Variants in FSHR observed in about 807,000 individuals in gnomAD.
FSHR encodes the protein follicle-stimulating hormone receptor.
FSHR carries 46 observed loss-of-function variants against 52.1 expected under a neutral mutation model. The ratio of observed to expected loss-of-function variants is 0.88; its 90% CI spans 0.70 to 1.13. The LOEUF is 1.13. Ranked by LOEUF, FSHR falls within the 50% of genes most tolerant of loss-of-function variation. The probability of loss-of-function intolerance (pLI) is 0.00; values close to 1 mark genes in which losing one functional copy is unlikely to be tolerated. For synonymous variants in FSHR, 399 were observed against 309.6 expected, an observed-to-expected ratio of 1.29 and a Z score of -3.03; for missense variants, 964 against 834.6, an observed-to-expected ratio of 1.16 and a Z score of -1.91.
chr2:49,079,822 AAC>A (rs1259735646), intron 1 of FSHR, among the ~76,000 whole-genome samples: 1 of 152,154 alleles, frequency 6.6e-6, no homozygotes, highest in East Asian at 1.9e-4. Context: ...TTTTTAAAAA[AAC>A]ACACAAAAAT....
rs200482566 is a variant in FSHR at position 48,963,137 on chromosome 2, C to T, written c.1684G>A (p.Val562Met). ...IYLTVRNPNI[V>M]SSSSDTRIAK... ...ATCCTGGTGTCACTAGAGGAGGACA[C>T]GATGTTGGGGTTCCGCACTGTGAGG... is the stretch of plus-strand genomic sequence containing the variant. Residue 562 changes from valine (V) to methionine (M), a missense_variant, in exon 10 of 10, where the codon GTG (valine) becomes ATG (methionine). Physicochemically the swap from Val to Met is conservative, Grantham distance 21. Coordinates refer to ENST00000406846, the MANE Select transcript of FSHR (RefSeq NM_000145.4). 161 of 1,613,874 alleles carry T rather than the reference C, an allele frequency of 1.0e-4. No homozygotes were observed. Among genetic ancestry groups the T allele is most frequent in the Non-Finnish European group, 1.2e-4 (138 of 1,180,008 alleles).
intron 4 of FSHR, among the ~76,000 whole-genome samples, chr2:48,991,678 G>C (rs1415546038): frequency 6.6e-6 from 1 of 152,166 alleles, no homozygotes; most frequent in Non-Finnish European, 1.5e-5. Context: ...TGAAATGTGG[G>C]TGGAACTGGC....
chr2:48,987,156 C>T (rs1289032860), intron 6 of FSHR, among the ~76,000 whole-genome samples: 1 of 151,850 alleles, frequency 6.6e-6, no homozygotes, highest in Non-Finnish European at 1.5e-5. Context: ...CTCATGTATT[C>T]ACTATTTTCC....
At chr2:49,039,178 G>C (rs1216297743) in intron 2 of FSHR, among the ~76,000 whole-genome samples, 1 of 152,156 alleles carries the variant, frequency 6.6e-6, no homozygotes, top group African/African-American at 2.4e-5. Flanking sequence ...GCACTCAGTA[G>C]ATTCTTTTTC....
intron 1 of FSHR, among the ~76,000 whole-genome samples, chr2:49,101,299 G>A (rs923615864): frequency 3.3e-5 from 5 of 152,208 alleles, no homozygotes; most frequent in African/African-American, 1.2e-4. Context: ...ATGTTTATAG[G>A]CTGGGAAAGA....
intron 1 of FSHR, among the ~76,000 whole-genome samples, chr2:49,119,121 C>T (rs1408161017): frequency 3.3e-5 from 5 of 152,244 alleles, no homozygotes; most frequent in East Asian, 1.9e-4. Context: ...GGACACATGA[C>T]GTGGACCCCG....
intron 8 of FSHR, among the ~76,000 whole-genome samples, chr2:48,979,377 G>A (rs752796694): frequency 1.9e-4 from 29 of 152,002 alleles, no homozygotes; most frequent in Non-Finnish European, 2.8e-4. Flanking sequence ...GGAGTTTAAC[G>A]CTGCTGTCAG....
intron 2 of FSHR, among the ~76,000 whole-genome samples, chr2:49,056,215 G>T (rs72877875): frequency 0.015 from 2,276 of 151,524 alleles, 64 homozygotes; most frequent in African/African-American, 0.053. Context: ...TTTTTTAAAA[G>T]ACCCAAATAT....
chr2:49,152,281 C>T (rs777723756), intron 1 of FSHR, among the ~76,000 whole-genome samples: 1 of 152,128 alleles, frequency 6.6e-6, no homozygotes, highest in Non-Finnish European at 1.5e-5. Context: ...GTGCTCTGTT[C>T]ATCACACTCT....
intron 4 of FSHR, among the ~76,000 whole-genome samples, chr2:48,998,890 A>G (rs532405271): frequency 1.3e-5 from 2 of 152,266 alleles, no homozygotes; most frequent in African/African-American, 2.4e-5. Context: ...CAAATATCGA[A>G]GCATATTATT....
At chr2:49,064,015 A>G (rs1053484165) in intron 2 of FSHR, among the ~76,000 whole-genome samples, 20 of 151,988 alleles carry the variant, frequency 1.3e-4, no homozygotes, top group African/African-American at 4.8e-4. Context: ...AATAAAAAAG[A>G]AAAAACTGTG....
intron 4 of FSHR, among the ~76,000 whole-genome samples, chr2:48,995,761 G>C (rs1675998573): frequency 6.6e-6 from 1 of 152,060 alleles, no homozygotes; most frequent in Non-Finnish European, 1.5e-5. Flanking sequence ...CAACTGTGGA[G>C]GTGAATACTT....
At chr2:49,060,263 T>C (rs1393795267) in intron 2 of FSHR, among the ~76,000 whole-genome samples, 1 of 152,054 alleles carries the variant, frequency 6.6e-6, no homozygotes, top group Non-Finnish European at 1.5e-5. Context: ...AAAGCCACTA[T>C]GGAAAACAGT....
chr2:48,981,719 C>G (rs1399665310), intron 8 of FSHR, among the ~76,000 whole-genome samples: 2 of 152,156 alleles, frequency 1.3e-5, no homozygotes, highest in Non-Finnish European at 2.9e-5. Flanking sequence ...AATTCTGACT[C>G]TCCATACCAA....
At chr2:49,020,660 T>C (rs1010600730) in intron 2 of FSHR, among the ~76,000 whole-genome samples, 60 of 152,178 alleles carry the variant, frequency 3.9e-4, no homozygotes, top group Non-Finnish European at 2.1e-4. Context: ...AATAAAACTT[T>C]ATTCATAAAA....
At position 48,985,697 on chromosome 2, in the gene FSHR, G is replaced by GTTTTTTTTTTTTT. The variant is rs70946839; in HGVS notation, c.525-2544_525-2532dup. Among the ~76,000 whole-genome samples, 16 of 99,540 alleles carry GTTTTTTTTTTTTT rather than the reference G, an allele frequency of 1.6e-4. 8 individuals are homozygous for GTTTTTTTTTTTTT. Among genetic ancestry groups the GTTTTTTTTTTTTT allele is most frequent in the Admixed American group, 2.4e-4 (2 of 8,400 alleles). The allele number at this position is 99,540 out of a possible 152,430, so 65.3% of individuals were successfully genotyped here. A position where few individuals can be genotyped will look rare whatever the true frequency, so the allele number is the denominator to read the frequency against. ...TTCAGTTTCAGGGGAGCAAGTACAGGTTTTTTTTTTTTTTTTTTTTTTTTT... is the reference window on the plus strand; with the variant it reads ...TTCAGTTTCAGGGGAGCAAGTACAGGTTTTTTTTTTTTTTTTTTTTTTTTTTTTTTTTTTTTTT... On this transcript the variant is annotated intron_variant, in intron 6 of 9. Transcript: ENST00000406846.
intron 2 of FSHR, among the ~76,000 whole-genome samples, chr2:49,058,690 A>G (rs931559395): frequency 9.2e-5 from 14 of 152,164 alleles, no homozygotes; most frequent in African/African-American, 2.7e-4. Context: ...AAAGAAGCCC[A>G]TTCCATTTAC....
rs767937801 is a variant in FSHR, at chr2:48,982,986, C to T, written c.594G>A (p.Leu198=). Residue 198 remains leucine, a splice_region_variant and synonymous_variant, in exon 8 of 10, where the codon CTG becomes CTA. Transcript: ENST00000406846. ...CAFNGTQLDE[L]NLSDNNNLEE... ...CTAAATTATTATTATCGCTTAGATT[C>T]CTGGGGATGGGGTTGAGGAAAGAAG... 25 of 1,613,652 alleles carry T rather than the reference C, an allele frequency of 1.5e-5. No homozygotes were observed. Among genetic ancestry groups the T allele is most frequent in the Non-Finnish European group, 3.4e-6 (4 of 1,179,720 alleles).
chr2:49,151,214 G>A (rs1673050995), intron 1 of FSHR, among the ~76,000 whole-genome samples: 20 of 150,830 alleles, frequency 1.3e-4, no homozygotes, highest in Admixed American at 1.3e-3. Context: ...GCATGCAGAG[G>A]AGATATAAAA....
Sources: gnomAD v4.1 joint callset for allele counts (sites outside exome capture counted in the v4.1 genomes callset) on GRCh38, gnomAD v4.1.1 for gene constraint, MANE v1.5 for transcripts, NCBI Gene and HGNC (gene_info 2026-07-23, HGNC 2026-07-21) for gene names.